Variants in TEX9 observed in about 807,000 individuals in gnomAD.
The protein encoded by TEX9 is testis-expressed protein 9.
In TEX9, 74 loss-of-function variants were observed where a neutral mutation model predicts 59.6. That is an observed-to-expected ratio of 1.24 (90% confidence interval 1.03 to 1.51). The LOEUF is 1.51. TEX9 is among the 40% of genes most tolerant of loss of function. The pLI is 0.00. For missense variants in TEX9, 522 were observed against 447.8 expected, an observed-to-expected ratio of 1.17 and a Z score of -1.49; for synonymous variants, 186 against 152.2, an observed-to-expected ratio of 1.22 and a Z score of -1.64.
intron 2 of TEX9, among the ~76,000 whole-genome samples, chr15:56,366,950 T>G (rs1300656333): frequency 6.6e-6 from 1 of 152,218 alleles, no homozygotes; most frequent in Non-Finnish European, 1.5e-5. Flanking sequence ...ATTAATCTGT[T>G]TTCTATATAT....
Position 56,412,370 on chromosome 15 carries a change from G to A in TEX9, c.897G>A (p.Leu299=), listed in dbSNP as rs370300362. ...GTCAAAGTGCCACAGAGGTTCGCTT[G>A]AATAGAGCTCTAGAAGAAGCAGAAA... Residue 299 remains leucine (L), a synonymous_variant, in exon 10 of 13, where the codon TTG becomes TTA. Transcript: ENST00000352903. The A allele has an allele frequency of 3.7e-6, 6 of 1,613,398 alleles. No homozygotes were observed. In the African/African-American group the frequency reaches 8.0e-5, roughly 22 times the overall value.
At chr15:56,448,203 G>C (rs2050921900), downstream of TEX9, among the ~76,000 whole-genome samples, 1 of 152,142 alleles carries the variant, frequency 6.6e-6, no homozygotes, top group South Asian at 2.1e-4. Context: ...TGCACGTTCA[G>C]CGTTTTAAGA....
intron 1 of TEX9, among the ~76,000 whole-genome samples, chr15:56,318,373 T>C (rs1233331659): frequency 2.0e-5 from 3 of 152,168 alleles, no homozygotes; most frequent in Non-Finnish European, 4.4e-5. Flanking sequence ...CATCTTTTTC[T>C]TTCAACCTAT....
intron 1 of TEX9, among the ~76,000 whole-genome samples, chr15:56,311,558 G>C (rs1361677167): frequency 7.6e-6 from 1 of 132,332 alleles, no homozygotes; most frequent in Non-Finnish European, 1.6e-5. Flanking sequence ...GGACATTTGG[G>C]TTGGTTCCAA....
chr15:56,312,025 C>T (rs1475011040), intron 1 of TEX9, among the ~76,000 whole-genome samples: 1 of 151,842 alleles, frequency 6.6e-6, no homozygotes, highest in Admixed American at 6.6e-5. Context: ...TTTGAGTTCA[C>T]TATAGATTCT....
At chr15:56,306,054 G>T (rs2045475098) in intron 1 of TEX9, among the ~76,000 whole-genome samples, 1 of 152,044 alleles carries the variant, frequency 6.6e-6, no homozygotes, top group Admixed American at 6.6e-5. Context: ...AAACTACAAT[G>T]AGATAACACC....
chr15:56,365,544 A>G (rs1318738346), intron 1 of TEX9, 35 bp from the exon 2 acceptor site: 2 of 1,614,156 alleles, frequency 1.2e-6, no homozygotes, highest in East Asian at 4.5e-5. Context: ...AACTTCCTTT[A>G]ACTTCGGGTC....
At chr15:56,261,388 A>T (rs2044262420) in intron 1 of TEX9, among the ~76,000 whole-genome samples, 1 of 152,016 alleles carries the variant, frequency 6.6e-6, no homozygotes, top group East Asian at 1.9e-4. Flanking sequence ...AATCAGAGAG[A>T]ACCCACACAG....
chr15:56,394,945 A>G, intron 9 of TEX9, 111 bp downstream of exon 9: 1 of 1,051,966 alleles, frequency 9.5e-7, no homozygotes. Context: ...ATTAGTATTT[A>G]CTGAAAACTC....
At chr15:56,365,340 A>G (rs1428519073), upstream of TEX9, 40 of 1,400,304 alleles carry the variant, frequency 2.9e-5, 1 homozygote, top group East Asian at 8.2e-4. Flanking sequence ...CTCGCAGCAC[A>G]GAACCTGAGA....
At chr15:56,327,107 A>G (rs1302307949) in intron 1 of TEX9, among the ~76,000 whole-genome samples, 2 of 152,206 alleles carry the variant, frequency 1.3e-5, no homozygotes, top group African/African-American at 2.4e-5. Context: ...TTCCAAATGC[A>G]TATATACTTG....
At chr15:56,440,998 CT>C (rs1354501882) in intron 12 of TEX9, among the ~76,000 whole-genome samples, 12 of 152,054 alleles carry the variant, frequency 7.9e-5, no homozygotes, top group African/African-American at 1.4e-4. Flanking sequence ...TTTAACCATT[CT>C]TTTTTCTAAT....
At chr15:56,432,002 T>C (rs1255577097) in intron 12 of TEX9, among the ~76,000 whole-genome samples, 3 of 152,190 alleles carry the variant, frequency 2.0e-5, no homozygotes, top group South Asian at 2.1e-4. Context: ...CTGGGCCATA[T>C]AGAAAAGATG....
chr15:56,386,585 T>C (rs760836073), intron 4 of TEX9, among the ~76,000 whole-genome samples: 13 of 152,042 alleles, frequency 8.6e-5, no homozygotes, highest in Non-Finnish European at 1.6e-4. Context: ...TACACATTTT[T>C]ATATTTTGAT....
chr15:56,326,605 C>T (rs2046024916), intron 1 of TEX9, among the ~76,000 whole-genome samples: 1 of 151,978 alleles, frequency 6.6e-6, no homozygotes. Context: ...CAGAACAATT[C>T]AGAAGAGTAA....
chr15:56,399,553 CA>C (rs1177299302), intron 9 of TEX9, among the ~76,000 whole-genome samples: 1 of 152,240 alleles, frequency 6.6e-6, no homozygotes, highest in African/African-American at 2.4e-5. Flanking sequence ...CAAAAGGCAG[CA>C]GACAACTTCT....
At chr15:56,417,952 T>G (rs1258326703) in intron 10 of TEX9, among the ~76,000 whole-genome samples, 1 of 151,926 alleles carries the variant, frequency 6.6e-6, no homozygotes, top group Non-Finnish European at 1.5e-5. Flanking sequence ...TTTGTCTTTT[T>G]TGATCTTTGT....
chr15:56,456,392 AC>A, the TEX9 span: 1 of 1,601,092 alleles, frequency 6.2e-7, no homozygotes, highest in South Asian at 1.1e-5. Context: ...AAACCAAGAT[AC>A]CTGTTTTCTC....
chr15:56,429,077 A>C, intron 12 of TEX9: 1 of 1,488,608 alleles, frequency 6.7e-7, no homozygotes, highest in Non-Finnish European at 9.2e-7. Flanking sequence ...CAAAAAATCT[A>C]TGCTTTACCC....
Sources: gnomAD v4.1 joint callset for allele counts (sites outside exome capture counted in the v4.1 genomes callset) on GRCh38, gnomAD v4.1.1 for gene constraint, MANE v1.5 for transcripts, NCBI Gene and HGNC (gene_info 2026-07-23, HGNC 2026-07-21) for gene names.